The following MCC variants were observed in gnomAD, a reference collection of about 807,000 sequenced individuals.
The protein encoded by MCC is MCC regulator of Wnt signaling pathway.
In MCC, 90 loss-of-function variants were observed where a neutral mutation model predicts 116.2. The observed-to-expected ratio is 0.77, with a 90% CI of 0.65 to 0.92. The LOEUF (loss-of-function observed/expected upper bound fraction) is 0.92. Ranked by LOEUF, MCC falls within the 40% of genes least tolerant of loss-of-function variation. The pLI is 0.00. For synonymous variants in MCC, 578 were observed against 510.5 expected (o/e 1.13, Z -1.78); for missense variants, 1,516 against 1,312.2 (o/e 1.16, Z -2.40).
rs751027729 is a variant in MCC, at chr5:113,434,083, G to T, written c.171-48871C>A. 13 of 1,614,094 alleles carry T rather than the reference G, an allele frequency of 8.1e-6. 1 individual carries two copies. Among genetic ancestry groups the T allele is most frequent in the South Asian group, 6.6e-5 (6 of 91,088 alleles). On this transcript the variant is annotated intron_variant, in intron 1 of 18. Coordinates refer to ENST00000408903, the MANE Select transcript of MCC (RefSeq NM_001085377.2). The surrounding 1 kb of genome is among the most constrained non-coding windows in gnomAD (Gnocchi z 4.2). Reference sequence around the variant, plus strand: ...AGCCGCCGGTTGACGTCGGGCTGCAGCATGTGGTAGATGAGGTCCTTGCAC... The same window carrying T: ...AGCCGCCGGTTGACGTCGGGCTGCATCATGTGGTAGATGAGGTCCTTGCAC...
chr5:113,464,167 T>C (rs66490974), intron 1 of MCC, among the ~76,000 whole-genome samples: 31,335 of 152,066 alleles, frequency 0.21, 3,734 homozygotes, highest in Admixed American at 0.33. Context: ...ACTCAGTGGG[T>C]TGAGGAGTTT....
intron 3 of MCC, among the ~76,000 whole-genome samples, chr5:113,164,938 T>A (rs1420496753): frequency 6.6e-6 from 1 of 152,186 alleles, no homozygotes; most frequent in South Asian, 2.1e-4. Context: ...GAAGCTCCCC[T>A]GTATAGGTAA....
rs562276496 is a variant in MCC, at chr5:113,127,797, G to A, written c.885-4971C>T. ...TTTTCTCCCATTGTGTAAGTTGTCT[G>A]TTTACTCTGTTGATAGTTTCTTTTG... On this transcript the variant is annotated intron_variant, in intron 5 of 18. Coordinates refer to ENST00000408903, the MANE Select transcript of MCC (RefSeq NM_001085377.2). Among the ~76,000 whole-genome samples, 8 of 152,240 alleles carry A rather than the reference G, an allele frequency of 5.3e-5. No individual in the cohort carries two copies. The South Asian group carries it at 1.7e-3, about 32-fold the overall frequency.
intron 3 of MCC, among the ~76,000 whole-genome samples, chr5:113,191,222 C>G (rs905537991): frequency 6.6e-6 from 1 of 152,208 alleles, no homozygotes; most frequent in Non-Finnish European, 1.5e-5. Flanking sequence ...AAAGGCTGGT[C>G]TCCCCCATCT....
intron 3 of MCC, among the ~76,000 whole-genome samples, chr5:113,218,807 G>C (rs1763427287): frequency 6.6e-6 from 1 of 151,434 alleles, no homozygotes; most frequent in South Asian, 2.1e-4. Flanking sequence ...AAAATCCTCA[G>C]TTTTAAATTT....
intron 1 of MCC, among the ~76,000 whole-genome samples, chr5:113,405,846 C>T (rs913416146): frequency 1.3e-5 from 2 of 151,890 alleles, no homozygotes; most frequent in Non-Finnish European, 2.9e-5. Context: ...TAGTTTTGTA[C>T]CGTAAAAATA....
intron 3 of MCC, among the ~76,000 whole-genome samples, chr5:113,253,396 C>G (rs1764874265): frequency 6.6e-6 from 1 of 152,172 alleles, no homozygotes; most frequent in African/African-American, 2.4e-5. Flanking sequence ...AGTGATCTGC[C>G]AGGAGGGACT....
intron 3 of MCC, among the ~76,000 whole-genome samples, chr5:113,232,164 A>G (rs951192681): frequency 2.0e-5 from 3 of 152,220 alleles, no homozygotes; most frequent in Non-Finnish European, 4.4e-5. Context: ...TGAATTTTCT[A>G]AACTCCAGGG....
intron 1 of MCC, among the ~76,000 whole-genome samples, chr5:113,459,226 A>G (rs1771675511): frequency 6.7e-6 from 1 of 150,340 alleles, no homozygotes; most frequent in Non-Finnish European, 1.5e-5. Flanking sequence ...AGACTCTGGA[A>G]AAATATACCT....
At chr5:113,099,525 C>A (rs1756264329) in intron 8 of MCC, among the ~76,000 whole-genome samples, 2 of 152,232 alleles carry the variant, frequency 1.3e-5, no homozygotes, top group Admixed American at 1.3e-4. Context: ...CCAGACATCG[C>A]CTAACCACTT....
Position 113,248,832 on chromosome 5 carries a change from C to CTTTTTTTTT in MCC, c.627+91678_627+91686dup, listed in dbSNP as rs1269527611. ...CATGTGCTCTCATTCTCTCTCTCTT[C>CTTTTTTTTT]TTTTTTTTTTTTTGAGATGGAGTCT... is the stretch of plus-strand genomic sequence containing the variant. On this transcript the variant is annotated intron_variant, in intron 3 of 18. Transcript: ENST00000408903. Among the ~76,000 whole-genome samples the CTTTTTTTTT allele has an allele frequency of 5.8e-5, 8 of 138,200 alleles. 1 individual carries two copies. Among genetic ancestry groups the CTTTTTTTTT allele is most frequent in the Admixed American group, 1.6e-4 (2 of 12,828 alleles). 90.7% of individuals were successfully genotyped at this position (138,200 alleles called of 152,430 possible).
At chr5:113,382,269 C>T (rs1245715962) in intron 2 of MCC, among the ~76,000 whole-genome samples, 1 of 149,894 alleles carries the variant, frequency 6.7e-6, no homozygotes, top group East Asian at 1.9e-4. Flanking sequence ...TAATTATTGT[C>T]CTTTTTTTTT....
In MCC at chr5:113,023,868, C is replaced by T. The variant is rs1189805292; in HGVS notation, c.*3434G>A. On this transcript the variant is annotated 3_prime_UTR_variant, in exon 19 of 19. Transcript: ENST00000408903. ...AATTCTCGTGGGCCATAGGAAACAC[C>T]TTCAGAAGGGAACAAGCAACTATGG... The T allele has an allele frequency of 2.6e-5, 4 of 152,156 alleles. No individual in the cohort carries two copies. The highest frequency in any genetic ancestry group is 5.9e-5 in the Non-Finnish European group (4 of 68,030). 9.4% of individuals were successfully genotyped at this position (152,156 alleles called of 1,614,324 possible).
intron 1 of MCC, among the ~76,000 whole-genome samples, chr5:113,422,329 T>C (rs980636366): frequency 6.6e-6 from 1 of 152,234 alleles, no homozygotes; most frequent in Non-Finnish European, 1.5e-5. Context: ...TGGATAACTG[T>C]AAATATAGTA....
At chr5:113,096,961 C>G (rs1756063220) in intron 8 of MCC, among the ~76,000 whole-genome samples, 1 of 152,140 alleles carries the variant, frequency 6.6e-6, no homozygotes, top group East Asian at 1.9e-4. Flanking sequence ...TAGATGACAG[C>G]TGGGGAGAGC....
At chr5:113,420,274 G>A (rs1580353416) in intron 1 of MCC, among the ~76,000 whole-genome samples, 1 of 146,308 alleles carries the variant, frequency 6.8e-6, no homozygotes, top group African/African-American at 2.6e-5. Context: ...AAAAGCAAGT[G>A]CAACAACAAC....
chr5:113,041,784 CAG>C (rs1751721351), intron 17 of MCC, among the ~76,000 whole-genome samples: 2 of 152,166 alleles, frequency 1.3e-5, no homozygotes, highest in South Asian at 4.1e-4. Context: ...CACATGAGGT[CAG>C]GAGTTCAAGA....
chr5:113,351,783 T>G (rs1257546179), intron 2 of MCC, among the ~76,000 whole-genome samples: 1 of 152,178 alleles, frequency 6.6e-6, no homozygotes, highest in Non-Finnish European at 1.5e-5. Flanking sequence ...ACTGCATGCC[T>G]GTATCAAAGT....
intron 3 of MCC, among the ~76,000 whole-genome samples, chr5:113,233,555 G>T (rs1243978429): frequency 6.6e-6 from 1 of 152,094 alleles, no homozygotes; most frequent in African/African-American, 2.4e-5. Flanking sequence ...ATTGAGAAAA[G>T]GAATAAAATG....
Sources: gnomAD v4.1 joint callset for allele counts (sites outside exome capture counted in the v4.1 genomes callset) on GRCh38, gnomAD v4.1.1 for gene constraint, Gnocchi (gnomAD v3.1) non-coding constraint, MANE v1.5 for transcripts, NCBI Gene and HGNC (gene_info 2026-07-23, HGNC 2026-07-21) for gene names.